TRPS1: variants seen among roughly 807,000 people sequenced by gnomAD.
The protein encoded by TRPS1 is transcriptional repressor GATA binding 1.
TRPS1 carries 6 observed loss-of-function variants against 101.2 expected under a neutral mutation model. The observed-to-expected ratio is 0.06, with a 90% CI of 0.03 to 0.12. TRPS1 has a LOEUF of 0.12. Among genes scored for constraint, TRPS1 ranks in the 10% least tolerant of loss-of-function variants. The pLI is 1.00. For synonymous variants in TRPS1, 578 were observed against 589.8 expected (o/e 0.98, Z 0.29); for missense variants, 1,363 against 1,567.0 (o/e 0.87, Z 2.20).
intron 5 of TRPS1, among the ~76,000 whole-genome samples, chr8:115,486,054 G>A (rs976569977): frequency 6.6e-6 from 1 of 152,160 alleles, no homozygotes; most frequent in Non-Finnish European, 1.5e-5. Context: ...TTAACAAAAT[G>A]TCAGTTTGTG....
At position 115,501,816 on chromosome 8, in the gene TRPS1, C is replaced by A. The variant is rs140682050; in HGVS notation, c.2701-83364G>T. Among the ~76,000 whole-genome samples the A allele has an allele frequency of 8.5e-5, 13 of 152,266 alleles. No individual in the cohort carries two copies. The East Asian group carries it at 1.7e-3, about 20-fold the overall frequency. On this transcript the variant is annotated intron_variant, in intron 5 of 6. Coordinates refer to ENST00000395715, the MANE Select transcript of TRPS1 (RefSeq NM_014112.5). ...AAATTTCTATGAAACCCACCCCTAT[C>A]CTACTTCTCTAAATCCAGTCTATTG...
At chr8:115,510,997 T>G (rs943614935) in intron 5 of TRPS1, 1 of 151,956 alleles carries the variant, frequency 6.6e-6, no homozygotes, top group Non-Finnish European at 1.5e-5. Context: ...TTGTTTTACT[T>G]TTTTTGTTCT....
At chr8:115,415,883 A>T (rs535605335) in intron 6 of TRPS1, among the ~76,000 whole-genome samples, 38 of 152,316 alleles carry the variant, frequency 2.5e-4, no homozygotes, top group African/African-American at 9.1e-4. Context: ...GCTTCTAAAT[A>T]ATTGCAAATG....
At chr8:115,480,078 T>C (rs1286033520) in intron 5 of TRPS1, among the ~76,000 whole-genome samples, 2 of 152,174 alleles carry the variant, frequency 1.3e-5, no homozygotes, top group African/African-American at 2.4e-5. Context: ...TAATTTGCTT[T>C]AAATTTCAAA....
intron 4 of TRPS1, among the ~76,000 whole-genome samples, chr8:115,588,953 A>G (rs1006533041): frequency 6.6e-6 from 1 of 152,224 alleles, no homozygotes; most frequent in Non-Finnish European, 1.5e-5. Context: ...ACATGACTAT[A>G]AGTCTATTAA....
intron 4 of TRPS1, among the ~76,000 whole-genome samples, chr8:115,600,132 C>T (rs1253857644): frequency 6.6e-6 from 1 of 152,160 alleles, no homozygotes; most frequent in African/African-American, 2.4e-5. Context: ...GCATAAATAT[C>T]TTCTTTTGCG....
intron 5 of TRPS1, among the ~76,000 whole-genome samples, chr8:115,474,714 C>A (rs1814556576): frequency 6.6e-6 from 1 of 151,996 alleles, no homozygotes; most frequent in Admixed American, 6.5e-5. Flanking sequence ...CTGTTATTTA[C>A]ACATGGAATA....
chr8:115,602,907 G>T (rs1410893393), intron 4 of TRPS1, among the ~76,000 whole-genome samples: 1 of 152,156 alleles, frequency 6.6e-6, no homozygotes, highest in African/African-American at 2.4e-5. Context: ...TCCCGAGGAA[G>T]TAATTTCCTA....
At chr8:115,419,402 T>G (rs550023226) in intron 5 of TRPS1, among the ~76,000 whole-genome samples, 1 of 151,672 alleles carries the variant, frequency 6.6e-6, no homozygotes, top group South Asian at 2.1e-4. Flanking sequence ...AAAGACAGCC[T>G]GAATTGCAGT....
intron 5 of TRPS1, among the ~76,000 whole-genome samples, chr8:115,573,112 G>A (rs931171347): frequency 3.3e-5 from 5 of 150,956 alleles, no homozygotes; most frequent in South Asian, 4.2e-4. Context: ...CAACAAGAGC[G>A]AAACTCCATC....
intron 5 of TRPS1, among the ~76,000 whole-genome samples, chr8:115,481,136 G>T (rs1442957504): frequency 1.3e-5 from 2 of 152,022 alleles, no homozygotes; most frequent in Non-Finnish European, 2.9e-5. Flanking sequence ...GCAGAAAAAT[G>T]TAACGGTTTG....
intron 5 of TRPS1, among the ~76,000 whole-genome samples, chr8:115,454,233 T>G (rs983422012): frequency 6.6e-6 from 1 of 152,186 alleles, no homozygotes. Context: ...CAATACCGTA[T>G]TTTGAGTATC....
At position 115,640,664 on chromosome 8, in the gene TRPS1, G is replaced by A. The variant is rs549104791; in HGVS notation, c.-121-16906C>T. Among the ~76,000 whole-genome samples the A allele has an allele frequency of 5.3e-5, 8 of 152,296 alleles. No homozygotes were observed. In the South Asian group the frequency reaches 1.4e-3, roughly 28 times the overall value. On this transcript the variant is annotated intron_variant, in intron 1 of 6. Transcript: ENST00000395715. Reference sequence around the variant, plus strand: ...CCTACAGTACCAATGCCTGTATCCAGTATGTGTTCCAAAGGACTGAAAGCA... The same window carrying A: ...CCTACAGTACCAATGCCTGTATCCAATATGTGTTCCAAAGGACTGAAAGCA...
intron 5 of TRPS1, among the ~76,000 whole-genome samples, chr8:115,468,381 GAACA>G (rs1400184737): frequency 2.0e-5 from 3 of 152,114 alleles, no homozygotes; most frequent in South Asian, 2.1e-4. Context: ...TTGCATATAT[GAACA>G]AACAAATAGT....
intron 5 of TRPS1, among the ~76,000 whole-genome samples, chr8:115,579,376 T>C (rs1286142620): frequency 6.6e-6 from 1 of 152,124 alleles, no homozygotes; most frequent in South Asian, 2.1e-4. Context: ...AATCAGAAAG[T>C]TAATTCCCTG....
chr8:115,610,608 A>G (rs188665828), intron 3 of TRPS1, among the ~76,000 whole-genome samples: 449 of 152,300 alleles, frequency 2.9e-3, no homozygotes, highest in Admixed American at 5.8e-3. Context: ...GGGAGGGTAC[A>G]GGGGAAACCA....
At position 115,452,512 on chromosome 8, in the gene TRPS1, A is replaced by G. The variant is rs530814776; in HGVS notation, c.2701-34060T>C. ...TTGAAAGAAATGGTATGTCAAATTA[A>G]TTCTGTCCCATAATTGATTTATTCT... On this transcript the variant is annotated intron_variant, in intron 5 of 6. Coordinates refer to ENST00000395715, the MANE Select transcript of TRPS1 (RefSeq NM_014112.5). Among the ~76,000 whole-genome samples, 254 of 152,342 alleles carry G rather than the reference A, an allele frequency of 1.7e-3. 1 individual carries two copies. Among genetic ancestry groups the G allele is most frequent in the Non-Finnish European group, 2.7e-3 (181 of 68,034 alleles).
intron 4 of TRPS1, among the ~76,000 whole-genome samples, chr8:115,590,014 G>A (rs1586434016): frequency 6.6e-6 from 1 of 152,216 alleles, no homozygotes; most frequent in East Asian, 1.9e-4. Context: ...TTACTCGGGA[G>A]GCTGAGGCAG....
rs571885005 is a variant in TRPS1 at position 115,607,424 on chromosome 8, G to C, written c.967-2422C>G. Among the ~76,000 whole-genome samples, 231 of 139,906 alleles carry C rather than the reference G, an allele frequency of 1.7e-3. No homozygotes were observed. In the Middle Eastern group the frequency reaches 0.022, roughly 14 times the overall value. The allele number at this position is 139,906 out of a possible 152,430, so 91.8% of individuals were successfully genotyped here. On this transcript the variant is annotated intron_variant, in intron 3 of 6. Coordinates refer to ENST00000395715, the MANE Select transcript of TRPS1 (RefSeq NM_014112.5). ...GAAGTTGGTGTACGTGTCTAGATGTGTTTTTTTTTTTTTGTTAAACCCAGG... is the reference window on the plus strand; with the variant it reads ...GAAGTTGGTGTACGTGTCTAGATGTCTTTTTTTTTTTTTGTTAAACCCAGG...
Sources: gnomAD v4.1 joint callset for allele counts (sites outside exome capture counted in the v4.1 genomes callset) on GRCh38, gnomAD v4.1.1 for gene constraint, MANE v1.5 for transcripts, NCBI Gene and HGNC (gene_info 2026-07-23, HGNC 2026-07-21) for gene names.